Variants in SMIM35 observed in about 807,000 individuals in gnomAD.
SMIM35 encodes the protein small integral membrane protein 35, also known as TMPRSS4 antisense RNA 1 (non-protein coding).
At chr11:118,041,867 A>G (rs1013655937) in intron 1 of SMIM35, among the ~76,000 whole-genome samples, 3 of 152,016 alleles carry the variant, frequency 2.0e-5, no homozygotes, top group African/African-American at 7.3e-5. Flanking sequence ...CCTGGCCAAC[A>G]TGGTGAAACC....
intron 1 of SMIM35, among the ~76,000 whole-genome samples, chr11:118,079,723 G>GGGGCTTGGCT (rs150700918): frequency 0.24 from 37,015 of 151,686 alleles, 5,523 homozygotes; most frequent in Non-Finnish European, 0.34. Flanking sequence ...ACAGAGTCAA[G>GGGGCTTGGCT]GGGCTTGGCT....
intron 1 of SMIM35, among the ~76,000 whole-genome samples, chr11:118,032,531 A>G (rs922203152): frequency 2.0e-5 from 3 of 152,200 alleles, no homozygotes; most frequent in African/African-American, 7.2e-5. Context: ...GGGTGGTGGT[A>G]GGAAAGAGCT....
At chr11:118,054,167 TTG>T (rs574855234) in intron 1 of SMIM35, among the ~76,000 whole-genome samples, 6,204 of 131,286 alleles carry the variant, frequency 0.047, 293 homozygotes, top group African/African-American at 0.14. Context: ...TTTTTTTGTT[TTG>T]TTTTTTTGTT....
intron 1 of SMIM35, among the ~76,000 whole-genome samples, chr11:118,030,580 GT>G (rs2058309977): frequency 6.6e-6 from 1 of 152,184 alleles, no homozygotes; most frequent in African/African-American, 2.4e-5. Context: ...CACTATGGTG[GT>G]CCTGAGCAGC....
At chr11:118,035,781 A>G (rs980827966) in intron 1 of SMIM35, among the ~76,000 whole-genome samples, 20 of 152,360 alleles carry the variant, frequency 1.3e-4, no homozygotes, top group African/African-American at 4.6e-4. Flanking sequence ...TCCTCCAGGC[A>G]GGTGCTAAGT....
At chr11:118,073,778 G>T (rs1038329852) in intron 1 of SMIM35, among the ~76,000 whole-genome samples, 2 of 152,256 alleles carry the variant, frequency 1.3e-5, no homozygotes, top group African/African-American at 4.8e-5. Flanking sequence ...AGTTCCCCTG[G>T]CCTCTGGGTC....
intron 1 of SMIM35, among the ~76,000 whole-genome samples, chr11:118,076,580 CT>C (rs1441590035): frequency 6.6e-6 from 1 of 152,178 alleles, no homozygotes; most frequent in Non-Finnish European, 1.5e-5. Flanking sequence ...GCAGGAAGCA[CT>C]AGTACATTGG....
chr11:118,028,506 G>T (rs1325243474), intron 1 of SMIM35, among the ~76,000 whole-genome samples: 2 of 152,044 alleles, frequency 1.3e-5, no homozygotes, highest in Non-Finnish European at 2.9e-5. Flanking sequence ...CCTGGGTCTG[G>T]CCAAAATACT....
chr11:118,041,912 A>G (rs539766274), intron 1 of SMIM35, among the ~76,000 whole-genome samples: 2 of 152,020 alleles, frequency 1.3e-5, no homozygotes, highest in African/African-American at 2.4e-5. Context: ...TTAGCTGGGC[A>G]TGGTGGCAGA....
At chr11:118,017,482 G>A (rs539449254) in intron 1 of SMIM35, among the ~76,000 whole-genome samples, 82 of 152,300 alleles carry the variant, frequency 5.4e-4, no homozygotes, top group African/African-American at 1.7e-3. Context: ...AGTGAAGGGA[G>A]ACAGGCAATA....
At chr11:118,006,784 T>C (rs2058123934) in intron 4 of SMIM35, among the ~76,000 whole-genome samples, 1 of 152,224 alleles carries the variant, frequency 6.6e-6, no homozygotes, top group African/African-American at 2.4e-5. Flanking sequence ...GTCATCTTCC[T>C]AGCTGAGTCA....
At chr11:118,047,943 T>C (rs189440659) in intron 1 of SMIM35, among the ~76,000 whole-genome samples, 2 of 152,302 alleles carry the variant, frequency 1.3e-5, no homozygotes, top group Non-Finnish European at 2.9e-5. Context: ...AAGGGGCTTG[T>C]TGACAGTCTC....
intron 1 of SMIM35, among the ~76,000 whole-genome samples, chr11:118,048,307 T>C (rs943187921): frequency 2.0e-5 from 3 of 152,070 alleles, no homozygotes; most frequent in African/African-American, 7.2e-5. Flanking sequence ...GTCAGGAGTT[T>C]GAGTCCAGCC....
intron 1 of SMIM35, among the ~76,000 whole-genome samples, chr11:118,046,068 G>A (rs1409434576): frequency 6.6e-6 from 1 of 152,190 alleles, no homozygotes; most frequent in African/African-American, 2.4e-5. Context: ...CCTTCACTTA[G>A]AGTGAAATTT....
At position 118,077,401 on chromosome 11, in the gene SMIM35, CT is replaced by C. The variant is rs1944738645; in HGVS notation, c.7+9349del. On this transcript the variant is annotated intron_variant, in intron 1 of 4. Transcript: ENST00000689828. ...CCTGAGCATCCATCAGCTGAGAATT[CT>C]GTGACACCTTCTAGGTTAAAAAAAG... 5 of 1,397,634 alleles carry C rather than the reference CT, an allele frequency of 3.6e-6. No homozygotes were observed. The Admixed American group carries it at 9.9e-5, about 28-fold the overall frequency. The allele number at this position is 1,397,634 out of a possible 1,614,324, so 86.6% of individuals were successfully genotyped here.
chr11:118,080,584 G>A (rs867077850), intron 1 of SMIM35, among the ~76,000 whole-genome samples: 37 of 152,214 alleles, frequency 2.4e-4, no homozygotes, highest in Middle Eastern at 3.4e-3. Context: ...TCTTCCCTCA[G>A]TGCAGCTGAG....
rs1485515350 is a variant in SMIM35 at position 118,004,177 on chromosome 11, AC to A, written c.*2232del. ...GCCCCATCCTCATGACCTCATCTAA[AC>A]CAATTACCTCCCAGAGGCTTTACCT... On this transcript the variant is annotated 3_prime_UTR_variant, in exon 5 of 5. Coordinates refer to ENST00000689828, the MANE Select transcript of SMIM35 (RefSeq NM_001394165.1). 6.6e-6 allele frequency: 1 copy of A among 152,214 alleles called. No homozygotes were observed. Among genetic ancestry groups the A allele is most frequent in the Admixed American group, 6.5e-5 (1 of 15,286 alleles). The allele number at this position is 152,214 out of a possible 1,614,324, so 9.4% of individuals were successfully genotyped here.
At chr11:118,070,635 G>A (rs1472194261) in intron 1 of SMIM35, among the ~76,000 whole-genome samples, 1 of 152,204 alleles carries the variant, frequency 6.6e-6, no homozygotes. Context: ...AGAGTATCCT[G>A]GAGAGACAGA....
intron 4 of SMIM35, among the ~76,000 whole-genome samples, chr11:118,010,822 T>C (rs2058146231): frequency 6.6e-6 from 1 of 152,166 alleles, no homozygotes; most frequent in African/African-American, 2.4e-5. Flanking sequence ...TGACTGCCTC[T>C]GGGCTCTTAG....
Sources: allele counts gnomAD v4.1 joint callset (sites outside exome capture counted in the v4.1 genomes callset), GRCh38; gene constraint gnomAD v4.1.1; transcripts MANE v1.5; gene names NCBI Gene and HGNC (gene_info 2026-07-23, HGNC 2026-07-21).